Variants in NOC2L observed in about 807,000 individuals in gnomAD.
NOC2L encodes nucleolar complex protein 2 homolog.
NOC2L carries 101 observed loss-of-function variants against 94.2 expected under a neutral mutation model. The ratio of observed to expected loss-of-function variants is 1.07; its 90% CI spans 0.91 to 1.26. NOC2L has a LOEUF of 1.26. Ranked by LOEUF, NOC2L falls within the 50% of genes most tolerant of loss-of-function variation. NOC2L has a pLI of 0.00. For synonymous variants in NOC2L, 531 were observed against 413.4 expected, an observed-to-expected ratio of 1.28 and a Z score of -3.45; for missense variants, 1,076 against 980.1, an observed-to-expected ratio of 1.10 and a Z score of -1.31.
chr1:950,612 T>C (rs1642231976), intron 12 of NOC2L, among the ~76,000 whole-genome samples: 1 of 152,128 alleles, frequency 6.6e-6, no homozygotes, highest in South Asian at 2.1e-4. Context: ...CAGGCATTCA[T>C]GGATACACGT....
intron 2 of NOC2L, 124 bp from the exon 3 acceptor site, chr1:957,397 G>A: frequency 3.1e-6 from 3 of 962,668 alleles, no homozygotes; most frequent in Non-Finnish European, 4.6e-6. Context: ...TTGCCAGGAG[G>A]TACGTTTTTG....
chr1:954,276 A>G (rs778523304), intron 6 of NOC2L, 194 bp from the exon 7 acceptor site: 3 of 553,836 alleles, frequency 5.4e-6, no homozygotes, highest in Non-Finnish European at 9.6e-6. Flanking sequence ...TCTCAAGTGC[A>G]TTAGCTCCTC....
chr1:944,928 A>G (rs994798669), intron 18 of NOC2L, 128 bp from the exon 19 acceptor site: 3 of 1,473,784 alleles, frequency 2.0e-6, no homozygotes, highest in Non-Finnish European at 1.9e-6. Flanking sequence ...CAGAGAACAG[A>G]GCATTTGGCC....
chr1:953,535 G>A (rs1459004232), intron 8 of NOC2L, among the ~76,000 whole-genome samples: 4 of 152,252 alleles, frequency 2.6e-5, no homozygotes, highest in Non-Finnish European at 4.4e-5. Flanking sequence ...AGATCACACC[G>A]GGAAGAAGAT....
At chr1:954,231 T>A in intron 6 of NOC2L, 149 bp from the exon 7 acceptor site, 1 of 666,958 alleles carries the variant, frequency 1.5e-6, no homozygotes, top group Non-Finnish European at 2.5e-6. Flanking sequence ...CAGGGCCCCT[T>A]ACAGCTGGAC....
Position 952,458 on chromosome 1 carries a change from C to T in NOC2L, c.1145G>A (p.Arg382His), listed in dbSNP as rs958395128. Residue 382 changes from arginine (R) to histidine (H), a missense_variant, in exon 10 of 19, where the codon CGC becomes CAC. Transcript: ENST00000327044. ...GTTGCGCAGGTGTATGGCGAGCTGG[C>T]GGATGTAGAGGAAGGCGTGCTGGTA... ...VAYQHAFLYI[R>H]QLAIHLRNAM... 12 of 1,613,600 alleles carry T rather than the reference C, an allele frequency of 7.4e-6. No homozygotes were observed. Among genetic ancestry groups the T allele is most frequent in the Non-Finnish European group, 9.3e-6 (11 of 1,179,938 alleles).
rs936153055 is a variant in NOC2L, at chr1:946,114, G to A, written c.1917+59C>T. On this transcript the variant is annotated intron_variant, in intron 16 of 18. Coordinates refer to ENST00000327044, the MANE Select transcript of NOC2L (RefSeq NM_015658.4). ...TCGCCCTGGTCTCAAGTCATAGTGC[G>A]CTAGATCTGAAACCCAGGAAGTCAC... The A allele has an allele frequency of 1.9e-5, 24 of 1,253,426 alleles. No individual in the cohort carries two copies. In the Admixed American group the frequency reaches 2.6e-4, roughly 13 times the overall value. The allele number at this position is 1,253,426 out of a possible 1,614,324, so 77.6% of individuals were successfully genotyped here.
In NOC2L at chr1:952,066, G is replaced by A. The variant is rs755408287; in HGVS notation, c.1265C>T (p.Ala422Val). Residue 422 changes from alanine (A) to valine (V), a missense_variant, in exon 11 of 19, where the codon GCG (alanine) becomes GTG (valine). Ala to Val is a moderately conservative substitution (Grantham distance 64). Coordinates refer to ENST00000327044, the MANE Select transcript of NOC2L (RefSeq NM_015658.4). Reference sequence around the variant, plus strand: ...GGGCTGGAGGGCTTCGCTGGGGCCCGCAGTGCTCAGGACCCGGCACCACAG... The same window carrying A: ...GGGCTGGAGGGCTTCGCTGGGGCCCACAGTGCTCAGGACCCGGCACCACAG... ...LFLWCRVLST[A>V]GPSEALQPLV... 74 of 1,613,556 alleles carry A rather than the reference G, an allele frequency of 4.6e-5. No homozygotes were observed. Among genetic ancestry groups the A allele is most frequent in the Middle Eastern group, 3.3e-4 (2 of 6,076 alleles).
At position 944,598 on chromosome 1, in the gene NOC2L, A is replaced by G. The variant is rs1166860387; in HGVS notation, c.*96T>C. ...TGTCCCGTGTCTACTGCCTCCCCCA[A>G]CTGCACAGACGCCAGCCTCTAGGCC... On this transcript the variant is annotated 3_prime_UTR_variant, in exon 19 of 19. Transcript: ENST00000327044. 2.2e-5 allele frequency: 16 copies of G among 740,364 alleles called. No homozygotes were observed. Among genetic ancestry groups the G allele is most frequent in the South Asian group, 8.2e-5 (5 of 61,100 alleles). The allele number at this position is 740,364 out of a possible 1,614,324, so 45.9% of individuals were successfully genotyped here. A position where few individuals can be genotyped will look rare whatever the true frequency, so the allele number is the denominator to read the frequency against.
At chr1:954,295 G>C (rs1642341192) in intron 6 of NOC2L, 1 of 538,140 alleles carries the variant, frequency 1.9e-6, no homozygotes, top group African/African-American at 1.9e-5. Flanking sequence ...TCCTTCAGTG[G>C]CCTTGAACTC....
At chr1:945,403 G>C in intron 17 of NOC2L, 115 bp downstream of exon 17, 1 of 1,328,204 alleles carries the variant, frequency 7.5e-7, no homozygotes, top group Non-Finnish European at 1.0e-6. Flanking sequence ...CCCCAGCTGG[G>C]CCAGAGACTG....
intron 6 of NOC2L, among the ~76,000 whole-genome samples, chr1:955,284 G>A (rs551795700): frequency 6.6e-6 from 1 of 152,346 alleles, no homozygotes; most frequent in South Asian, 2.1e-4. Context: ...CGCTGTCGGC[G>A]AGACCTCTCC....
At chr1:956,236 G>A (rs1642398292) in intron 4 of NOC2L, 21 bp from the exon 5 acceptor site, 1 of 1,610,876 alleles carries the variant, frequency 6.2e-7, no homozygotes, top group South Asian at 1.1e-5. Context: ...AAGAGTACCA[G>A]GGGCGTCAGG....
At chr1:945,991 G>A (rs558451662) in intron 16 of NOC2L, among the ~76,000 whole-genome samples, 182 bp downstream of exon 16, 20 of 152,320 alleles carry the variant, frequency 1.3e-4, no homozygotes, top group South Asian at 1.2e-3. Context: ...TCCCCTCCCT[G>A]GAAACGCCTG....
At chr1:958,273 G>T in intron 2 of NOC2L, 1 of 162,418 alleles carries the variant, frequency 6.2e-6, no homozygotes. Flanking sequence ...TTCTTTTTGA[G>T]ATGGAGTCTC....
In NOC2L at chr1:951,874, C is replaced by T. The variant is rs1642268399; in HGVS notation, c.1331+126G>A. Reference sequence around the variant, plus strand: ...GCAGGTACAGGGACCCCAGCCCTTCCTCAGGGACGGCCAGGACACAGACTC... The same window carrying T: ...GCAGGTACAGGGACCCCAGCCCTTCTTCAGGGACGGCCAGGACACAGACTC... On this transcript the variant is annotated intron_variant, in intron 11 of 18. Transcript: ENST00000327044. The T allele has an allele frequency of 4.5e-6, 5 of 1,110,146 alleles. No homozygotes were observed. The South Asian group carries it at 8.0e-5, about 18-fold the overall frequency. The allele number at this position is 1,110,146 out of a possible 1,614,324, so 68.8% of individuals were successfully genotyped here. A position where few individuals can be genotyped will look rare whatever the true frequency, so the allele number is the denominator to read the frequency against.
chr1:945,198 G>A (rs1436287192), intron 17 of NOC2L, 52 bp from the exon 18 acceptor site: 3 of 1,545,816 alleles, frequency 1.9e-6, no homozygotes, highest in Non-Finnish European at 2.6e-6. Flanking sequence ...GGGTCCACCA[G>A]CAAAGTCACA....
intron 18 of NOC2L, 102 bp from the exon 19 acceptor site, chr1:944,902 C>T: frequency 7.3e-7 from 1 of 1,371,002 alleles, no homozygotes; most frequent in East Asian, 2.3e-5. Context: ...ATTAATTTAT[C>T]CCTGTTGCTG....
Position 946,486 on chromosome 1 carries a change from C to A in NOC2L, c.1719G>T (p.Leu573=), listed in dbSNP as rs1160757439. The change falls in exon 15 of 19, where the codon CTG becomes CTT. Residue 573 remains leucine, a synonymous_variant. Coordinates refer to ENST00000327044, the MANE Select transcript of NOC2L (RefSeq NM_015658.4). The part of the protein sequence containing the change: ...VANYCRQVQQ[L]LGKVQENSAY... ...CCGAGTTCTCCTGAACCTTCCCAAGCAGCTGCTGCACCTGCCGGCAGTAGT... is the reference window on the plus strand; with the variant it reads ...CCGAGTTCTCCTGAACCTTCCCAAGAAGCTGCTGCACCTGCCGGCAGTAGT... 6.2e-7 allele frequency: 1 copy of A among 1,613,196 alleles called. No homozygotes were observed. The highest frequency in any genetic ancestry group is 1.3e-5 in the African/African-American group (1 of 74,942).
Sources: allele counts gnomAD v4.1 joint callset (sites outside exome capture counted in the v4.1 genomes callset), GRCh38; gene constraint gnomAD v4.1.1; transcripts MANE v1.5; gene names NCBI Gene and HGNC (gene_info 2026-07-23, HGNC 2026-07-21).